Variants in G6PC1 observed in about 807,000 individuals in gnomAD.
G6PC1 encodes the protein G-6-Pase.
Under a neutral mutation model 30.4 loss-of-function variants are expected in G6PC1, and 23 were observed. The ratio of observed to expected loss-of-function variants is 0.76; its 90% CI spans 0.55 to 1.07. The LOEUF is 1.07. Ranked by LOEUF, G6PC1 falls within the 50% of genes least tolerant of loss-of-function variation. G6PC1 has a pLI of 0.00. For synonymous variants in G6PC1, 163 were observed against 175.6 expected, an observed-to-expected ratio of 0.93 and a Z score of 0.57; for missense variants, 391 against 433.9, an observed-to-expected ratio of 0.90 and a Z score of 0.88.
chr17:42,903,542 C>T (rs1275409242), intron 1 of G6PC1, among the ~76,000 whole-genome samples: 6 of 151,454 alleles, frequency 4.0e-5, no homozygotes, highest in African/African-American at 7.3e-5. Context: ...GGTGAAACCC[C>T]GTCTCTACTA....
At chr17:42,909,496 C>A in intron 4 of G6PC1, 78 bp downstream of exon 4, 1 of 1,026,602 alleles carries the variant, frequency 9.7e-7, no homozygotes, top group Non-Finnish European at 1.5e-6. Flanking sequence ...AAAATCCCAG[C>A]ATTCCAGCCA....
Position 42,911,344 on chromosome 17 carries a change from C to G in G6PC1, c.992C>G (p.Ala331Gly). 6.2e-7 allele frequency: 1 copy of G among 1,614,182 alleles called. No homozygotes were observed. Among genetic ancestry groups the G allele is most frequent in the Non-Finnish European group, 8.5e-7 (1 of 1,180,040 alleles). The change falls in exon 5 of 5, where the codon GCG becomes GGG. Residue 331 changes from alanine (A) to glycine (G), a missense_variant. Physicochemically the swap from Ala to Gly is moderately conservative, Grantham distance 60. Transcript: ENST00000253801. ...VFYVLSFCKSAVVPLASVSVI... is the reference protein window; with the variant it reads ...VFYVLSFCKSGVVPLASVSVI... ...TACGTCTTGTCCTTCTGCAAGAGTG[C>G]GGTAGTGCCCCTGGCATCCGTCAGT...
intron 4 of G6PC1, among the ~76,000 whole-genome samples, chr17:42,910,282 G>GT (rs566348675): frequency 7.7e-4 from 118 of 152,306 alleles, no homozygotes; most frequent in African/African-American, 2.8e-3. Flanking sequence ...CTGGAGATTT[G>GT]TAAGAACGGA....
In G6PC1 at chr17:42,900,810, C is replaced by T; in HGVS notation, c.-67C>T. Reference sequence around the variant, plus strand: ...AGGCACAGACTCATAGCAGAGCAATCACCACCAAGCCTGGAATAACTGCAA... The same window carrying T: ...AGGCACAGACTCATAGCAGAGCAATTACCACCAAGCCTGGAATAACTGCAA... On this transcript the variant is annotated 5_prime_UTR_variant, in exon 1 of 5. Coordinates refer to ENST00000253801, the MANE Select transcript of G6PC1 (RefSeq NM_000151.4). The T allele has an allele frequency of 8.4e-6, 11 of 1,314,660 alleles. No individual in the cohort carries two copies. The highest frequency in any genetic ancestry group is 1.2e-5 in the Non-Finnish European group (11 of 915,206). 81.4% of individuals were successfully genotyped at this position (1,314,660 alleles called of 1,614,324 possible).
intron 1 of G6PC1, among the ~76,000 whole-genome samples, chr17:42,902,167 G>A (rs963848227): frequency 6.7e-6 from 1 of 150,010 alleles, no homozygotes; most frequent in Non-Finnish European, 1.5e-5. Flanking sequence ...ACTCTCTGGG[G>A]AGCAGGGGAA....
chr17:42,904,486 G>A (rs920837060), intron 2 of G6PC1, among the ~76,000 whole-genome samples: 1 of 152,160 alleles, frequency 6.6e-6, no homozygotes, highest in Non-Finnish European at 1.5e-5. Context: ...TTCATTTTCA[G>A]TATGTAATAG....
intron 1 of G6PC1, among the ~76,000 whole-genome samples, chr17:42,902,460 A>C (rs2151929588): frequency 6.6e-6 from 1 of 152,276 alleles, no homozygotes; most frequent in South Asian, 2.1e-4. Flanking sequence ...TATGTTGACT[A>C]GGCTGGTCTC....
rs1055390815 is a variant in G6PC1 at position 42,914,001 on chromosome 17, A to G, written c.*2575A>G. ...TCCGGAGTCTGTATATTCAGGGAAG[A>G]TTGCATTCTCCTACTGGATTTGGGC... is the stretch of plus-strand genomic sequence containing the variant. On this transcript the variant is annotated 3_prime_UTR_variant, in exon 5 of 5. Coordinates refer to ENST00000253801, the MANE Select transcript of G6PC1 (RefSeq NM_000151.4). 1.3e-5 allele frequency among the ~76,000 whole-genome samples: 2 copies of G among 152,160 alleles called. No individual in the cohort carries two copies. Among genetic ancestry groups the G allele is most frequent in the Admixed American group, 6.6e-5 (1 of 15,262 alleles).
intron 4 of G6PC1, among the ~76,000 whole-genome samples, chr17:42,909,926 G>A (rs976073715): frequency 2.0e-5 from 3 of 150,628 alleles, no homozygotes; most frequent in African/African-American, 7.3e-5. Flanking sequence ...GCAGTGGTGC[G>A]ATCTCGGCTC....
rs1019808706 is a variant in G6PC1, at chr17:42,911,600, G to A, written c.*174G>A. ...AGGGTCGCCTGGCTTATTCCCATGT[G>A]TGACTCCAGCCTGCCCTCAGCACAG... On this transcript the variant is annotated 3_prime_UTR_variant, in exon 5 of 5. Transcript: ENST00000253801. 8 of 897,662 alleles carry A rather than the reference G, an allele frequency of 8.9e-6. No homozygotes were observed. The highest frequency in any genetic ancestry group is 1.4e-5 in the Non-Finnish European group (8 of 579,304). 55.6% of individuals were successfully genotyped at this position (897,662 alleles called of 1,614,324 possible).
chr17:42,903,659 T>C (rs1597988176), intron 1 of G6PC1, among the ~76,000 whole-genome samples: 2 of 152,002 alleles, frequency 1.3e-5, no homozygotes, highest in South Asian at 2.1e-4. Flanking sequence ...TGAGCCGAGA[T>C]TGCGCCACTG....
Position 42,911,368 on chromosome 17 carries a change from G to A in G6PC1, c.1016G>A (p.Ser339Asn). 1.9e-6 allele frequency: 3 copies of A among 1,614,200 alleles called. No individual in the cohort carries two copies. Among genetic ancestry groups the A allele is most frequent in the Non-Finnish European group, 2.5e-6 (3 of 1,180,034 alleles). ...KSAVVPLASVSVIPYCLAQVL... is the reference protein window; with the variant it reads ...KSAVVPLASVNVIPYCLAQVL... ...GCGGTAGTGCCCCTGGCATCCGTCA[G>A]TGTCATCCCCTACTGCCTCGCCCAG... is the stretch of plus-strand genomic sequence containing the variant. The change falls in exon 5 of 5, where the codon AGT (serine) becomes AAT (asparagine). Residue 339 changes from serine to asparagine, a missense_variant. By Grantham distance (46) the Ser-to-Asn change is conservative (BLOSUM62 1). Coordinates refer to ENST00000253801, the MANE Select transcript of G6PC1 (RefSeq NM_000151.4).
At position 42,911,146 on chromosome 17, in the gene G6PC1, T is replaced by C; in HGVS notation, c.794T>C (p.Leu265Pro). ...TTPFASLLKNLGTLFGLGLAL... is the reference protein window; with the variant it reads ...TTPFASLLKNPGTLFGLGLAL... The stretch of plus-strand genomic sequence containing the variant: ...CCCTTTGCCAGCCTCCTCAAGAACC[T>C]GGGCACGCTCTTTGGCCTGGGGCTG... Residue 265 changes from leucine (L) to proline (P), a missense_variant, in exon 5 of 5, where the codon CTG (leucine) becomes CCG (proline). Leu to Pro is a moderately conservative substitution (Grantham distance 98). Transcript: ENST00000253801. The C allele has an allele frequency of 6.2e-7, 1 of 1,614,126 alleles. No individual in the cohort carries two copies. Among genetic ancestry groups the C allele is most frequent in the East Asian group, 2.2e-5 (1 of 44,872 alleles).
rs987892731 is a variant in G6PC1 at position 42,911,543 on chromosome 17, G to A, written c.*117G>A. Reference sequence around the variant, plus strand: ...CAAGTGACATGCCATCCATTCTGCCGTCGTGGAATTAAATCACGGATGGCA... The same window carrying A: ...CAAGTGACATGCCATCCATTCTGCCATCGTGGAATTAAATCACGGATGGCA... On this transcript the variant is annotated 3_prime_UTR_variant, in exon 5 of 5. Coordinates refer to ENST00000253801, the MANE Select transcript of G6PC1 (RefSeq NM_000151.4). The A allele has an allele frequency of 4.7e-5, 70 of 1,492,494 alleles. No individual in the cohort carries two copies. Among genetic ancestry groups the A allele is most frequent in the Admixed American group, 8.6e-5 (5 of 57,896 alleles). 92.5% of individuals were successfully genotyped at this position (1,492,494 alleles called of 1,614,324 possible).
chr17:42,905,429 A>AAAATATAT (rs572893716), intron 2 of G6PC1, among the ~76,000 whole-genome samples: 9 of 120,864 alleles, frequency 7.4e-5, no homozygotes, highest in African/African-American at 3.1e-4. Flanking sequence ...AAAAAAAAAA[A>AAAATATAT]ATATATATAT....
intron 3 of G6PC1, among the ~76,000 whole-genome samples, chr17:42,908,114 T>C (rs541369207): frequency 6.6e-6 from 1 of 152,182 alleles, no homozygotes; most frequent in Non-Finnish European, 1.5e-5. Context: ...CGCTGCAACC[T>C]CTGCCTCCCA....
At chr17:42,906,961 T>C (rs946874482) in intron 2 of G6PC1, among the ~76,000 whole-genome samples, 11 of 152,096 alleles carry the variant, frequency 7.2e-5, no homozygotes, top group African/African-American at 2.7e-4. Context: ...TAGGACTCAC[T>C]GAGAATATGA....
At chr17:42,905,770 C>T (rs142485263) in intron 2 of G6PC1, among the ~76,000 whole-genome samples, 2,740 of 152,078 alleles carry the variant, frequency 0.018, 75 homozygotes, top group African/African-American at 0.06. Flanking sequence ...AGGCCGGGCG[C>T]GGTGGCTCAC....
At chr17:42,906,691 C>A (rs1422677665) in intron 2 of G6PC1, among the ~76,000 whole-genome samples, 3 of 152,014 alleles carry the variant, frequency 2.0e-5, no homozygotes, top group African/African-American at 7.3e-5. Context: ...CCAGCCTGGG[C>A]AAAAACAATC....
Sources: allele counts gnomAD v4.1 joint callset (sites outside exome capture counted in the v4.1 genomes callset), GRCh38; gene constraint gnomAD v4.1.1; transcripts MANE v1.5; gene names NCBI Gene and HGNC (gene_info 2026-07-23, HGNC 2026-07-21).